GLRA1: variants seen among roughly 807,000 people sequenced by gnomAD.
GLRA1 encodes the protein glycine receptor subunit alpha-1.
In GLRA1, 37 loss-of-function variants were observed where a neutral mutation model predicts 48.3. The observed-to-expected ratio is 0.77, with a 90% CI of 0.59 to 1.01. The LOEUF is 1.01. GLRA1 is among the 50% of genes least tolerant of loss of function. The probability of loss-of-function intolerance (pLI) is 0.00; values close to 1 mark genes in which losing one functional copy is unlikely to be tolerated. For synonymous variants in GLRA1, 196 were observed against 210.7 expected, an observed-to-expected ratio of 0.93 and a Z score of 0.60; for missense variants, 427 against 571.0, an observed-to-expected ratio of 0.75 and a Z score of 2.57.
At chr5:151,835,595 CA>C (rs1453401809) in intron 7 of GLRA1, among the ~76,000 whole-genome samples, 1 of 152,164 alleles carries the variant, frequency 6.6e-6, no homozygotes, top group Non-Finnish European at 1.5e-5. Flanking sequence ...AGCAGCACAT[CA>C]AAAAGCTTAT....
chr5:151,838,553 A>G (rs1480417292), intron 7 of GLRA1, among the ~76,000 whole-genome samples: 1 of 152,196 alleles, frequency 6.6e-6, no homozygotes, highest in African/African-American at 2.4e-5. Flanking sequence ...CACTAGATGG[A>G]ATCAACAGTA....
At chr5:151,917,097 A>T (rs772472945) in intron 1 of GLRA1, among the ~76,000 whole-genome samples, 1 of 152,182 alleles carries the variant, frequency 6.6e-6, no homozygotes, top group Non-Finnish European at 1.5e-5. Flanking sequence ...TGAGGTAGTT[A>T]TTTATCCCCT....
At chr5:151,832,500 C>G (rs1194018827) in intron 7 of GLRA1, among the ~76,000 whole-genome samples, 1 of 152,118 alleles carries the variant, frequency 6.6e-6, no homozygotes. Context: ...CTTCGTGAAG[C>G]ATACACAAGT....
Position 151,864,363 on chromosome 5 carries a change from G to A in GLRA1, c.253-4355C>T, listed in dbSNP as rs542117993. 2.0e-5 allele frequency among the ~76,000 whole-genome samples: 3 copies of A among 152,314 alleles called. No homozygotes were observed. In the East Asian group the frequency reaches 5.8e-4, roughly 29 times the overall value. Reference sequence around the variant, plus strand: ...GGCAGCAGGCGCCGTTCTAGATACTGTCACATACATTTTATCCTCACAAAA... The same window carrying A: ...GGCAGCAGGCGCCGTTCTAGATACTATCACATACATTTTATCCTCACAAAA... On this transcript the variant is annotated intron_variant, in intron 3 of 8. Transcript: ENST00000274576.
chr5:151,902,434 C>T (rs1276839198), intron 1 of GLRA1, among the ~76,000 whole-genome samples: 1 of 151,938 alleles, frequency 6.6e-6, no homozygotes, highest in East Asian at 1.9e-4. Context: ...AGTCAACTTG[C>T]CTTTTGTTTT....
intron 6 of GLRA1, among the ~76,000 whole-genome samples, chr5:151,852,600 G>T (rs1752941410): frequency 6.6e-6 from 1 of 152,212 alleles, no homozygotes; most frequent in African/African-American, 2.4e-5. Context: ...TCCCTGGACT[G>T]TAAGCTGTAG....
rs546086467 is a variant in GLRA1 at position 151,832,722 on chromosome 5, T to A, written c.913-3655A>T. Reference sequence around the variant, plus strand: ...GAGAATGGAACCAAGTTGAAAACACTCTTCGGGGTATTATCCAGGAGAACT... The same window carrying A: ...GAGAATGGAACCAAGTTGAAAACACACTTCGGGGTATTATCCAGGAGAACT... On this transcript the variant is annotated intron_variant, in intron 7 of 8. Transcript: ENST00000274576. Among the ~76,000 whole-genome samples the A allele has an allele frequency of 2.6e-5, 4 of 152,284 alleles. No homozygotes were observed. The South Asian group carries it at 8.3e-4, about 32-fold the overall frequency.
At chr5:151,924,257 G>A (rs1167265640) in intron 1 of GLRA1, among the ~76,000 whole-genome samples, 1 of 145,924 alleles carries the variant, frequency 6.9e-6, no homozygotes, top group Non-Finnish European at 1.5e-5. Flanking sequence ...GCAAACAGCT[G>A]CCAGAACAGC....
intron 1 of GLRA1, among the ~76,000 whole-genome samples, chr5:151,912,699 G>A (rs1754646087): frequency 6.6e-6 from 1 of 152,134 alleles, no homozygotes; most frequent in African/African-American, 2.4e-5. Flanking sequence ...GCAGGCATTT[G>A]GGGACAAAGC....
chr5:151,841,562 A>T (rs974323336), intron 7 of GLRA1, among the ~76,000 whole-genome samples: 1 of 152,228 alleles, frequency 6.6e-6, no homozygotes, highest in Non-Finnish European at 1.5e-5. Context: ...TGAAAAAATT[A>T]GCAAAATTGA....
At chr5:151,894,152 T>C (rs1015715140) in intron 1 of GLRA1, among the ~76,000 whole-genome samples, 4 of 151,150 alleles carry the variant, frequency 2.6e-5, no homozygotes, top group Non-Finnish European at 5.9e-5. Context: ...TGTGTGTGCG[T>C]GTGTGTGTGT....
intron 3 of GLRA1, among the ~76,000 whole-genome samples, chr5:151,883,350 C>A (rs190030074): frequency 1.3e-5 from 2 of 152,156 alleles, no homozygotes; most frequent in African/African-American, 4.8e-5. Flanking sequence ...CTGTTGCTTA[C>A]GTGTACTTTG....
chr5:151,841,786 G>A (rs1763716828), intron 7 of GLRA1, among the ~76,000 whole-genome samples: 1 of 152,156 alleles, frequency 6.6e-6, no homozygotes, highest in Non-Finnish European at 1.5e-5. Context: ...GCCATTCATG[G>A]TGGCTCATGC....
intron 7 of GLRA1, among the ~76,000 whole-genome samples, chr5:151,842,011 C>G (rs913317793): frequency 6.1e-5 from 9 of 148,430 alleles, no homozygotes; most frequent in African/African-American, 2.2e-4. Flanking sequence ...GAGCCGAGAT[C>G]GTGCCACTGC....
chr5:151,828,727 T>C (rs1763339952), intron 8 of GLRA1, among the ~76,000 whole-genome samples, 194 bp downstream of exon 8: 1 of 152,204 alleles, frequency 6.6e-6, no homozygotes, highest in Non-Finnish European at 1.5e-5. Flanking sequence ...GAAGAGTGAC[T>C]GCCTATAGAC....
intron 7 of GLRA1, among the ~76,000 whole-genome samples, chr5:151,832,098 C>T (rs189816646): frequency 1.3e-5 from 2 of 152,232 alleles, no homozygotes; most frequent in African/African-American, 2.4e-5. Context: ...AAAGGAATAG[C>T]GTCAAAATCA....
In GLRA1 at chr5:151,917,359, T is replaced by C. The variant is rs145094490; in HGVS notation, c.56+7135A>G. On this transcript the variant is annotated intron_variant, in intron 1 of 8. Transcript: ENST00000274576. The stretch of plus-strand genomic sequence containing the variant: ...TAAAGACTCTTGTTGACATTATGGG[T>C]TTCTGGGTCCCCATTCTGAGAGATT... Among the ~76,000 whole-genome samples the C allele has an allele frequency of 5.4e-3, 826 of 152,312 alleles. 9 individuals carry two copies. The highest frequency in any genetic ancestry group is 0.019 in the African/African-American group (776 of 41,562).
chr5:151,919,917 T>G (rs1163400520), intron 1 of GLRA1, among the ~76,000 whole-genome samples: 1 of 152,204 alleles, frequency 6.6e-6, no homozygotes, highest in Non-Finnish European at 1.5e-5. Flanking sequence ...GGAAATAAAG[T>G]TAATGACGCC....
intron 8 of GLRA1, among the ~76,000 whole-genome samples, chr5:151,828,622 T>G (rs1038106832): frequency 3.9e-5 from 6 of 152,324 alleles, no homozygotes; most frequent in Middle Eastern, 3.4e-3. Context: ...TTTAGGTTTA[T>G]AGTTAGTTAT....
Sources: gnomAD v4.1 joint callset for allele counts (sites outside exome capture counted in the v4.1 genomes callset) on GRCh38, gnomAD v4.1.1 for gene constraint, MANE v1.5 for transcripts, NCBI Gene and HGNC (gene_info 2026-07-23, HGNC 2026-07-21) for gene names.